Variants in PCBP3 observed in about 807,000 individuals in gnomAD.
PCBP3 encodes the protein poly(rC) binding protein 3.
PCBP3 carries 25 observed loss-of-function variants against 52.7 expected under a neutral mutation model. That is an observed-to-expected ratio of 0.47 (90% CI 0.35 to 0.66). The LOEUF is 0.66. Among genes scored for constraint, PCBP3 ranks in the 30% least tolerant of loss-of-function variants. The pLI, the probability that PCBP3 is intolerant of heterozygous loss-of-function variation, is 0.01. For missense variants in PCBP3, 391 were observed against 490.3 expected, an observed-to-expected ratio of 0.80 and a Z score of 1.91; for synonymous variants, 162 against 183.0, an observed-to-expected ratio of 0.89 and a Z score of 0.93.
At chr21:45,778,790 C>T (rs950045024) in intron 4 of PCBP3, among the ~76,000 whole-genome samples, 7 of 152,102 alleles carry the variant, frequency 4.6e-5, no homozygotes, top group Non-Finnish European at 8.8e-5. Context: ...TCAAGCAAGA[C>T]CCCCCAGTAG....
chr21:45,697,364 C>T (rs2082845925), intron 2 of PCBP3, among the ~76,000 whole-genome samples: 1 of 152,178 alleles, frequency 6.6e-6, no homozygotes, highest in South Asian at 2.1e-4. Flanking sequence ...TAAATTTATG[C>T]TCCAGCACAA....
At chr21:45,898,670 TCCC>T in intron 6 of PCBP3, among the ~76,000 whole-genome samples, 1 of 67,884 alleles carries the variant, frequency 1.5e-5, no homozygotes, top group African/African-American at 7.8e-5. Context: ...CCTCACAGCC[TCCC>T]TCTCCCTCCA....
chr21:45,781,682 C>T (rs1317100254), intron 4 of PCBP3, among the ~76,000 whole-genome samples: 1 of 152,226 alleles, frequency 6.6e-6, no homozygotes, highest in African/African-American at 2.4e-5. Context: ...ACAGGAACAT[C>T]TGTAGCAATT....
chr21:45,915,615 G>C, intron 12 of PCBP3: 1 of 152,256 alleles, frequency 6.6e-6, no homozygotes, highest in East Asian at 1.9e-4. Context: ...CTGTAAAGAA[G>C]GCAGTAGCAC....
In PCBP3 at chr21:45,926,592, A is replaced by G. The variant is rs1214562504; in HGVS notation, c.718-3325A>G. The stretch of plus-strand genomic sequence containing the variant: ...CCCTCACACAGGAAGGAAGCCGTCT[A>G]TGAGACTTGGACAGGACAGAGCTGC... On this transcript the variant is annotated intron_variant, in intron 13 of 17. Coordinates refer to ENST00000681687, the MANE Select transcript of PCBP3 (RefSeq NM_001384156.1). 3.3e-5 allele frequency among the ~76,000 whole-genome samples: 5 copies of G among 152,196 alleles called. No homozygotes were observed. In the East Asian group the frequency reaches 5.8e-4, roughly 18 times the overall value.
intron 5 of PCBP3, among the ~76,000 whole-genome samples, chr21:45,882,530 A>G (rs2095427607): frequency 6.6e-6 from 1 of 151,944 alleles, no homozygotes; most frequent in Non-Finnish European, 1.5e-5. Context: ...GTTTGATATA[A>G]TCCCATTTCT....
chr21:45,649,020 A>T (rs1362005552), intron 1 of PCBP3, among the ~76,000 whole-genome samples: 1 of 152,228 alleles, frequency 6.6e-6, no homozygotes, highest in Admixed American at 6.5e-5. Context: ...GTGTTACTAC[A>T]AGGTAATTGT....
chr21:45,831,382 C>T (rs1282165427), intron 4 of PCBP3: 1 of 136,478 alleles, frequency 7.3e-6, no homozygotes, highest in African/African-American at 2.8e-5. Context: ...GCTGTCCAGC[C>T]AGGGCAACAG....
chr21:45,814,603 A>ATGAG (rs2092788984), intron 4 of PCBP3, among the ~76,000 whole-genome samples: 1 of 71,888 alleles, frequency 1.4e-5, no homozygotes, highest in African/African-American at 5.4e-5. Context: ...TGAGTGAGTG[A>ATGAG]TGAGTGGTGA....
At chr21:45,919,479 G>A (rs182143224) in intron 13 of PCBP3, 10 of 152,372 alleles carry the variant, frequency 6.6e-5, no homozygotes, top group Non-Finnish European at 7.3e-5. Flanking sequence ...TTGATATAGA[G>A]ATGCAATTTA....
At chr21:45,743,939 G>A (rs954029829) in intron 3 of PCBP3, among the ~76,000 whole-genome samples, 4 of 151,840 alleles carry the variant, frequency 2.6e-5, no homozygotes, top group African/African-American at 4.8e-5. Context: ...AATAGAATTC[G>A]TCTATCAAAG....
chr21:45,704,511 A>AG lies in PCBP3; in HGVS notation c.-199-30876dup, dbSNP rs1467118823. The stretch of plus-strand genomic sequence containing the variant: ...TGCTCTCCCCTGGCAGAGGCGCCCC[A>AG]GGGGGCTCCAGGGGAGTGCTGTCTG... On this transcript the variant is annotated intron_variant, in intron 2 of 17. Coordinates refer to ENST00000681687, the MANE Select transcript of PCBP3 (RefSeq NM_001384156.1). This position sits in a 1 kb window ranked among gnomAD's most constrained non-coding sequence, Gnocchi z 4.1. 6.6e-6 allele frequency among the ~76,000 whole-genome samples: 1 copy of AG among 152,142 alleles called. No homozygotes were observed. The highest frequency in any genetic ancestry group is 6.5e-5 in the Admixed American group (1 of 15,280).
rs368260887 is a variant in PCBP3, at chr21:45,928,966, C to T, written c.718-951C>T. Among the ~76,000 whole-genome samples, 8 of 152,356 alleles carry T rather than the reference C, an allele frequency of 5.3e-5. No individual in the cohort carries two copies. Among genetic ancestry groups the T allele is most frequent in the African/African-American group, 1.9e-4 (8 of 41,592 alleles). Reference sequence around the variant, plus strand: ...GCAGCACCCAGCCTTGACAGCCCCACTGGAGGCCTGTGGCTCCTGGGAAAG... The same window carrying T: ...GCAGCACCCAGCCTTGACAGCCCCATTGGAGGCCTGTGGCTCCTGGGAAAG... On this transcript the variant is annotated intron_variant, in intron 13 of 17. Coordinates refer to ENST00000681687, the MANE Select transcript of PCBP3 (RefSeq NM_001384156.1). The surrounding 1 kb of genome is among the most constrained non-coding windows in gnomAD (Gnocchi z 4.1).
intron 4 of PCBP3, among the ~76,000 whole-genome samples, chr21:45,793,446 C>T (rs1254622674): frequency 2.6e-5 from 4 of 151,994 alleles, no homozygotes; most frequent in Non-Finnish European, 5.9e-5. Flanking sequence ...TGAGGCCAAG[C>T]GCGATGCTGA....
intron 4 of PCBP3, among the ~76,000 whole-genome samples, chr21:45,839,213 A>G (rs1191759751): frequency 6.6e-6 from 1 of 152,152 alleles, no homozygotes; most frequent in Non-Finnish European, 1.5e-5. Context: ...TGTTATAAGC[A>G]GTATTAAAAT....
At chr21:45,816,109 T>G (rs1043157491) in intron 4 of PCBP3, among the ~76,000 whole-genome samples, 1 of 149,798 alleles carries the variant, frequency 6.7e-6, no homozygotes, top group Non-Finnish European at 1.5e-5. Context: ...GAGTGAGTGG[T>G]GAGTGGTGAG....
intron 2 of PCBP3, among the ~76,000 whole-genome samples, chr21:45,715,858 C>A (rs1053715712): frequency 1.3e-5 from 2 of 152,032 alleles, no homozygotes; most frequent in South Asian, 4.2e-4. Flanking sequence ...TCTAGGAATT[C>A]TTTTTTATAT....
At chr21:45,804,495 C>T (rs1388627035) in intron 4 of PCBP3, among the ~76,000 whole-genome samples, 1 of 152,112 alleles carries the variant, frequency 6.6e-6, no homozygotes, top group Non-Finnish European at 1.5e-5. Context: ...TACTGAAGAT[C>T]CTAGTCTTGG....
At chr21:45,762,076 GA>G (rs1388221359) in intron 4 of PCBP3, 2 of 152,170 alleles carry the variant, frequency 1.3e-5, no homozygotes, top group Non-Finnish European at 2.9e-5. Flanking sequence ...ATGCAAAACT[GA>G]GTGGGTTAAA....
Sources: allele counts gnomAD v4.1 joint callset (sites outside exome capture counted in the v4.1 genomes callset), GRCh38; gene constraint gnomAD v4.1.1; non-coding constraint Gnocchi (gnomAD v3.1); transcripts MANE v1.5; gene names NCBI Gene and HGNC (gene_info 2026-07-23, HGNC 2026-07-21).